STOX2: variants seen among roughly 807,000 people sequenced by gnomAD.
STOX2 encodes storkhead-box protein 2.
A neutral mutation model predicts 60.9 loss-of-function variants in STOX2; 28 were observed. The observed-to-expected ratio is 0.46, with a 90% confidence interval of 0.34 to 0.63. STOX2 has a LOEUF of 0.63. STOX2 is among the 30% of genes least tolerant of loss of function. STOX2 has a pLI of 0.01. For synonymous variants in STOX2, 472 were observed against 463.9 expected, an observed-to-expected ratio of 1.02 and a Z score of -0.22; for missense variants, 1,024 against 1,187.7, an observed-to-expected ratio of 0.86 and a Z score of 2.03.
intron 1 of STOX2, among the ~76,000 whole-genome samples, chr4:183,887,086 C>T (rs1741101288): frequency 6.6e-6 from 1 of 152,140 alleles, no homozygotes; most frequent in South Asian, 2.1e-4. Flanking sequence ...TGGTGAAACC[C>T]TGTCTCTCCT....
At chr4:183,933,586 G>A (rs943720695) in intron 1 of STOX2, among the ~76,000 whole-genome samples, 5 of 152,108 alleles carry the variant, frequency 3.3e-5, no homozygotes, top group South Asian at 4.2e-4. Flanking sequence ...ACGGGGTTTC[G>A]CCATGTTGGC....
chr4:183,936,353 G>T (rs1441591590), intron 1 of STOX2, among the ~76,000 whole-genome samples: 4 of 151,732 alleles, frequency 2.6e-5, no homozygotes, highest in African/African-American at 9.7e-5. Flanking sequence ...TTCTTTGTTT[G>T]TAAGGCTGTG....
rs576824128 is a variant in STOX2, at chr4:184,001,208, A to G, written c.167-117A>G. The stretch of plus-strand genomic sequence containing the variant: ...AGAGTGGAATTGGCAAGCAGCTGCT[A>G]TGTTCGGAGCTGACTGTGTTCGTCA... On this transcript the variant is annotated intron_variant, in intron 1 of 3. Transcript: ENST00000308497. The surrounding 1 kb of genome is among the most constrained non-coding windows in gnomAD (Gnocchi z 4.2). The G allele has an allele frequency of 1.6e-4, 146 of 925,226 alleles. No individual in the cohort carries two copies. The African/African-American group carries it at 2.3e-3, about 15-fold the overall frequency. The allele number at this position is 925,226 out of a possible 1,614,324, so 57.3% of individuals were successfully genotyped here.
At chr4:183,895,476 A>G (rs887054605) in intron 1 of STOX2, among the ~76,000 whole-genome samples, 2 of 152,150 alleles carry the variant, frequency 1.3e-5, no homozygotes, top group Non-Finnish European at 2.9e-5. Flanking sequence ...AAATGATTAT[A>G]AAGTGAAATC....
At chr4:184,013,037 C>T (rs1734227430) in intron 3 of STOX2, among the ~76,000 whole-genome samples, 1 of 152,102 alleles carries the variant, frequency 6.6e-6, no homozygotes, top group African/African-American at 2.4e-5. Flanking sequence ...TCTTTCTGTT[C>T]TACTGTTTCT....
At chr4:183,801,999 C>T (rs912057493) in intron 1 of STOX2, among the ~76,000 whole-genome samples, 1 of 152,208 alleles carries the variant, frequency 6.6e-6, no homozygotes. Context: ...CTTGCACAGG[C>T]CACGGTTAGT....
At chr4:183,879,898 C>T (rs772132615) in intron 1 of STOX2, among the ~76,000 whole-genome samples, 5 of 152,082 alleles carry the variant, frequency 3.3e-5, no homozygotes, top group Admixed American at 2.0e-4. Flanking sequence ...AATCGTACCA[C>T]GTCGGAAGTC....
chr4:183,925,427 C>A (rs990554435), intron 1 of STOX2, among the ~76,000 whole-genome samples: 3 of 152,092 alleles, frequency 2.0e-5, no homozygotes, highest in Non-Finnish European at 4.4e-5. Flanking sequence ...AAGAGATACT[C>A]CCACCTTGGC....
Position 183,806,904 on chromosome 4 carries a change from G to A in STOX2, c.364+8849G>A, listed in dbSNP as rs1738903471. ...CTCCCCCGCATGCACTGCCCCCACG[G>A]CCCCACAGCTCGAAGCCCCCATGCC... On this transcript the variant is annotated intron_variant, in intron 1 of 2. Transcript: ENST00000513034. This position sits in a 1 kb window ranked among gnomAD's most constrained non-coding sequence, Gnocchi z 4.1. Among the ~76,000 whole-genome samples, 1 of 152,224 alleles carries A rather than the reference G, an allele frequency of 6.6e-6. No homozygotes were observed. Among genetic ancestry groups the A allele is most frequent in the African/African-American group, 2.4e-5 (1 of 41,518 alleles).
intron 1 of STOX2, among the ~76,000 whole-genome samples, chr4:183,817,544 C>T (rs1251374408): frequency 1.3e-5 from 2 of 152,182 alleles, no homozygotes; most frequent in African/African-American, 2.4e-5. Context: ...TCCAAATACA[C>T]AGAAATAGAA....
intron 1 of STOX2, among the ~76,000 whole-genome samples, chr4:183,997,864 A>G (rs1235644947): frequency 6.6e-6 from 1 of 152,132 alleles, no homozygotes; most frequent in Non-Finnish European, 1.5e-5. Context: ...GCTTTTCCAA[A>G]GTAAATGCCA....
At chr4:183,924,995 CTA>C (rs1170393873) in intron 1 of STOX2, among the ~76,000 whole-genome samples, 1 of 152,120 alleles carries the variant, frequency 6.6e-6, no homozygotes, top group Non-Finnish European at 1.5e-5. Context: ...ATGTAGCGGT[CTA>C]TAATCTGAGT....
At chr4:184,007,809 C>G (rs909200647) in intron 2 of STOX2, among the ~76,000 whole-genome samples, 2 of 152,218 alleles carry the variant, frequency 1.3e-5, no homozygotes, top group African/African-American at 4.8e-5. Flanking sequence ...GCCTTTCTGT[C>G]TCCAGCTTTC....
At chr4:183,871,351 T>A (rs1740688913) in intron 1 of STOX2, among the ~76,000 whole-genome samples, 1 of 152,238 alleles carries the variant, frequency 6.6e-6, no homozygotes, top group East Asian at 1.9e-4. Flanking sequence ...TTTCAAGTCT[T>A]GCTCAACTTG....
At chr4:183,881,642 A>G (rs1487726172) in intron 1 of STOX2, among the ~76,000 whole-genome samples, 1 of 152,238 alleles carries the variant, frequency 6.6e-6, no homozygotes, top group African/African-American at 2.4e-5. Flanking sequence ...CGGGGCATAG[A>G]AAAACCTGAT....
chr4:184,007,030 A>AC lies in STOX2; in HGVS notation c.320-2128_320-2127insC, dbSNP rs1408695287. Among the ~76,000 whole-genome samples, 11 of 69,468 alleles carry AC rather than the reference A, an allele frequency of 1.6e-4. 1 individual carries two copies. The highest frequency in any genetic ancestry group is 3.3e-4 in the African/African-American group (8 of 24,066). The allele number at this position is 69,468 out of a possible 152,430, so 45.6% of individuals were successfully genotyped here. On this transcript the variant is annotated intron_variant, in intron 2 of 3. Transcript: ENST00000308497. ...GACTCTGTCTCAAAAAAAAAAAAAAAAACAAAACAAAAAAAAAATTTTGTT... is the reference window on the plus strand; with the variant it reads ...GACTCTGTCTCAAAAAAAAAAAAAAACAACAAAACAAAAAAAAAATTTTGTT...
chr4:183,882,621 G>A (rs984446978), intron 1 of STOX2, among the ~76,000 whole-genome samples: 1 of 152,120 alleles, frequency 6.6e-6, no homozygotes, highest in Non-Finnish European at 1.5e-5. Context: ...CAAATGCACT[G>A]TAGAGTTGTA....
intron 1 of STOX2, among the ~76,000 whole-genome samples, chr4:183,975,930 T>C (rs1157289471): frequency 2.0e-5 from 3 of 152,182 alleles, no homozygotes; most frequent in African/African-American, 7.2e-5. Context: ...TCACAAAATA[T>C]TAGTACATTG....
intron 1 of STOX2, among the ~76,000 whole-genome samples, chr4:183,931,211 G>A (rs1742411594): frequency 6.6e-6 from 1 of 152,150 alleles, no homozygotes; most frequent in Admixed American, 6.5e-5. Flanking sequence ...ATCACCTGAG[G>A]TCAGGAGTTC....
Sources: gnomAD v4.1 joint callset for allele counts (sites outside exome capture counted in the v4.1 genomes callset) on GRCh38, gnomAD v4.1.1 for gene constraint, Gnocchi (gnomAD v3.1) non-coding constraint, MANE v1.5 for transcripts, NCBI Gene and HGNC (gene_info 2026-07-23, HGNC 2026-07-21) for gene names.